The following YPEL2 variants were observed in gnomAD, a reference collection of about 807,000 sequenced individuals.
YPEL2 encodes protein yippee-like 2.
A neutral mutation model predicts 19.1 loss-of-function variants in YPEL2; 2 were observed. The observed-to-expected ratio is 0.10, with a 90% CI of 0.04 to 0.33. The LOEUF (loss-of-function observed/expected upper bound fraction) is 0.33. YPEL2 is among the 10% of genes least tolerant of loss of function. The probability of loss-of-function intolerance (pLI) is 1.00; values close to 1 mark genes in which losing one functional copy is unlikely to be tolerated. For synonymous variants in YPEL2, 52 were observed against 50.0 expected, an observed-to-expected ratio of 1.04 and a Z score of -0.17; for missense variants, 66 against 140.7, an observed-to-expected ratio of 0.47 and a Z score of 2.68.
chr17:59,349,717 G>A (rs1174067752), intron 1 of YPEL2, among the ~76,000 whole-genome samples: 2 of 152,138 alleles, frequency 1.3e-5, no homozygotes, highest in Non-Finnish European at 2.9e-5. Context: ...CTGGAGTGCA[G>A]TGGCACGATC....
At chr17:59,388,255 G>T (rs2047990870) in intron 2 of YPEL2, 72 bp from the exon 3 acceptor site, 1 of 1,467,096 alleles carries the variant, frequency 6.8e-7, no homozygotes, top group African/African-American at 1.4e-5. Flanking sequence ...GCTTAACTGT[G>T]ATTGGGGTTG....
chr17:59,369,887 AG>A (rs1423331171), intron 2 of YPEL2, among the ~76,000 whole-genome samples: 1 of 152,166 alleles, frequency 6.6e-6, no homozygotes, highest in Non-Finnish European at 1.5e-5. Context: ...GTGTCTACTA[AG>A]GGGCAGGCAT....
chr17:59,362,072 T>C (rs2047843956), intron 2 of YPEL2, among the ~76,000 whole-genome samples: 1 of 152,186 alleles, frequency 6.6e-6, no homozygotes, highest in Non-Finnish European at 1.5e-5. Context: ...TGAAGACTTT[T>C]AAGCAAGTAA....
chr17:59,363,551 G>A (rs921418622), intron 2 of YPEL2, among the ~76,000 whole-genome samples: 2 of 151,976 alleles, frequency 1.3e-5, no homozygotes, highest in African/African-American at 2.4e-5. Flanking sequence ...GACCTCAAGT[G>A]ATCCACCTGC....
intron 2 of YPEL2, chr17:59,356,094 C>A (rs1213634329): frequency 6.6e-6 from 1 of 152,098 alleles, no homozygotes; most frequent in Non-Finnish European, 1.5e-5. Flanking sequence ...TTTCATTTTT[C>A]CCTCCCTCTT....
At chr17:59,394,121 C>A (rs972956317) in intron 4 of YPEL2, among the ~76,000 whole-genome samples, 1 of 146,910 alleles carries the variant, frequency 6.8e-6, no homozygotes, top group South Asian at 2.2e-4. Context: ...CTCCCGGACG[C>A]GGCAGCTGGC....
chr17:59,348,702 A>G (rs2047769901), intron 1 of YPEL2, among the ~76,000 whole-genome samples: 1 of 152,202 alleles, frequency 6.6e-6, no homozygotes, highest in African/African-American at 2.4e-5. Context: ...TAATTTGCAC[A>G]TGTGCCCTGA....
intron 1 of YPEL2, among the ~76,000 whole-genome samples, chr17:59,347,177 A>G (rs917921982): frequency 2.6e-5 from 4 of 152,230 alleles, no homozygotes; most frequent in African/African-American, 9.6e-5. Context: ...CCTATGAAGT[A>G]GATATTATTG....
intron 4 of YPEL2, among the ~76,000 whole-genome samples, chr17:59,393,139 G>T (rs530775346): frequency 6.6e-6 from 1 of 152,172 alleles, no homozygotes; most frequent in Non-Finnish European, 1.5e-5. Context: ...CGGGGCTATT[G>T]ATTTATTTTA....
chr17:59,369,375 A>T (rs1313412461), intron 2 of YPEL2, among the ~76,000 whole-genome samples: 1 of 152,214 alleles, frequency 6.6e-6, no homozygotes, highest in Non-Finnish European at 1.5e-5. Context: ...ATCACCTGAG[A>T]TACAAAGGCA....
chr17:59,364,680 C>T (rs1401000154), intron 2 of YPEL2, among the ~76,000 whole-genome samples: 2 of 147,954 alleles, frequency 1.4e-5, no homozygotes, highest in African/African-American at 2.5e-5. Context: ...TGCAATGGCA[C>T]GATCTTAGCT....
In YPEL2 at chr17:59,349,902, G is replaced by A. The variant is rs549634602; in HGVS notation, c.-195-3313G>A. ...TCTCAATCTCTTGACCTCGTGATCC[G>A]CCCGCCTCAGCCTCCCAAAGTGCTG... On this transcript the variant is annotated intron_variant, in intron 1 of 4. Coordinates refer to ENST00000312655, the MANE Select transcript of YPEL2 (RefSeq NM_001005404.4). Among the ~76,000 whole-genome samples, 15 of 151,698 alleles carry A rather than the reference G, an allele frequency of 9.9e-5. No homozygotes were observed. In the East Asian group the frequency reaches 2.9e-3, roughly 30 times the overall value.
At chr17:59,334,720 T>A (rs1473084403) in intron 1 of YPEL2, among the ~76,000 whole-genome samples, 2 of 152,206 alleles carry the variant, frequency 1.3e-5, no homozygotes, top group African/African-American at 2.4e-5. Context: ...CAAAAAGGAC[T>A]CTATCCAAAT....
chr17:59,357,789 G>A (rs1205156564), intron 2 of YPEL2, among the ~76,000 whole-genome samples: 2 of 152,106 alleles, frequency 1.3e-5, no homozygotes, highest in African/African-American at 2.4e-5. Context: ...GCATTGTGGA[G>A]TAGGCCATTT....
intron 2 of YPEL2, among the ~76,000 whole-genome samples, chr17:59,361,926 G>T (rs1329488483): frequency 6.6e-6 from 1 of 152,218 alleles, no homozygotes. Flanking sequence ...AGAGCCAGAG[G>T]CAGGGAGCAC....
In YPEL2 at chr17:59,361,039, C is replaced by T. The variant is rs182974619; in HGVS notation, c.117+7513C>T. On this transcript the variant is annotated intron_variant, in intron 2 of 4. Coordinates refer to ENST00000312655, the MANE Select transcript of YPEL2 (RefSeq NM_001005404.4). ...TAGAGATGAGGTTTCACTGTGTTGGCCAGCCTGGTCTCGACCTCCTGACCT... is the reference window on the plus strand; with the variant it reads ...TAGAGATGAGGTTTCACTGTGTTGGTCAGCCTGGTCTCGACCTCCTGACCT... Among the ~76,000 whole-genome samples the T allele has an allele frequency of 1.5e-4, 23 of 152,242 alleles. No individual in the cohort carries two copies. In the East Asian group the frequency reaches 2.1e-3, roughly 14 times the overall value.
At chr17:59,388,767 G>T in intron 3 of YPEL2, 1 of 217,742 alleles carries the variant, frequency 4.6e-6, no homozygotes, top group Non-Finnish European at 9.1e-6. Flanking sequence ...TCGGGCAGAT[G>T]CACAGTTTCC....
chr17:59,367,748 T>C (rs16943468), intron 2 of YPEL2, among the ~76,000 whole-genome samples: 18,019 of 152,180 alleles, frequency 0.12, 1,581 homozygotes, highest in African/African-American at 0.24. Context: ...GTGAGAATTC[T>C]ATTCCATAGG....
intron 1 of YPEL2, among the ~76,000 whole-genome samples, chr17:59,349,358 C>CTTTTTTTTTTTTTTTTTTTTTT (rs58304283): frequency 8.4e-6 from 1 of 119,212 alleles, no homozygotes; most frequent in Non-Finnish European, 1.7e-5. Context: ...CCTTTTTTTT[C>CTTTTTTTTTTTTTTTTTTTTTT]TTTTTTTTTT....
Sources: gnomAD v4.1 joint callset for allele counts (sites outside exome capture counted in the v4.1 genomes callset) on GRCh38, gnomAD v4.1.1 for gene constraint, MANE v1.5 for transcripts, NCBI Gene and HGNC (gene_info 2026-07-23, HGNC 2026-07-21) for gene names.